The following SMIM24 variants were observed in gnomAD, a reference collection of about 807,000 sequenced individuals.
SMIM24 encodes small integral membrane protein 24.
SMIM24 carries 6 observed loss-of-function variants against 10.8 expected under a neutral mutation model. The observed-to-expected ratio is 0.55, with a 90% confidence interval of 0.30 to 1.09. The LOEUF is 1.09. SMIM24 is among the 50% of genes least tolerant of loss of function. The pLI is 0.06. For missense variants in SMIM24, 151 were observed against 153.4 expected, an observed-to-expected ratio of 0.98 and a Z score of 0.08; for synonymous variants, 71 against 62.4, an observed-to-expected ratio of 1.14 and a Z score of -0.65.
chr19:3,480,343 C>A, intron 1 of SMIM24, 54 bp downstream of exon 1: 2 of 1,410,264 alleles, frequency 1.4e-6, no homozygotes, highest in South Asian at 1.3e-5. Flanking sequence ...AGATGGTGAT[C>A]ACCTGACCAA....
At chr19:3,479,255 G>T (rs905195257) in intron 1 of SMIM24, among the ~76,000 whole-genome samples, 1 of 151,400 alleles carries the variant, frequency 6.6e-6, no homozygotes. Flanking sequence ...CAGAGGCTCA[G>T]GGGGAGGGGC....
chr19:3,475,023 A>G lies in SMIM24; in HGVS notation c.240-27T>C, dbSNP rs756304030. ...TGTAGGGATACAAAGGCCCCAAACCATAATAAGAAACAGAGACACTCCTAT... is the reference window on the plus strand; with the variant it reads ...TGTAGGGATACAAAGGCCCCAAACCGTAATAAGAAACAGAGACACTCCTAT... On this transcript the variant is annotated intron_variant, in intron 3 of 3. Coordinates refer to ENST00000215531, the MANE Select transcript of SMIM24 (RefSeq NM_001136503.2). 15 of 1,547,122 alleles carry G rather than the reference A, an allele frequency of 9.7e-6. No homozygotes were observed. The African/African-American group carries it at 1.9e-4, about 20-fold the overall frequency.
chr19:3,479,408 G>C (rs1254277557), intron 1 of SMIM24, among the ~76,000 whole-genome samples: 1 of 148,386 alleles, frequency 6.7e-6, no homozygotes, highest in African/African-American at 2.5e-5. Context: ...AGAAGAGTCT[G>C]GGGGGTTGGG....
intron 3 of SMIM24, among the ~76,000 whole-genome samples, chr19:3,478,171 T>G (rs1301464503): frequency 6.6e-6 from 1 of 152,082 alleles, no homozygotes; most frequent in Non-Finnish European, 1.5e-5. Context: ...CTAAGACAGC[T>G]CCACTGGTGA....
At chr19:3,475,453 G>C (rs1430572298) in intron 3 of SMIM24, among the ~76,000 whole-genome samples, 1 of 152,014 alleles carries the variant, frequency 6.6e-6, no homozygotes, top group Non-Finnish European at 1.5e-5. Flanking sequence ...TAGTGGGTGG[G>C]TGGATGGATG....
In SMIM24 at chr19:3,474,587, C is replaced by T; in HGVS notation, c.*256G>A. 2.1e-6 allele frequency: 1 copy of T among 484,854 alleles called. No individual in the cohort carries two copies. Among genetic ancestry groups the T allele is most frequent in the East Asian group, 3.3e-5 (1 of 30,356 alleles). 30.0% of individuals were successfully genotyped at this position (484,854 alleles called of 1,614,324 possible). ...TGGAGGATTGCGGGTGTCTCCTCAA[C>T]CAGGGATGCTCTCCGAGTATAAGAA... On this transcript the variant is annotated 3_prime_UTR_variant, in exon 4 of 4. Coordinates refer to ENST00000215531, the MANE Select transcript of SMIM24 (RefSeq NM_001136503.2).
In SMIM24 at chr19:3,480,415, G is replaced by A. The variant is rs765317526; in HGVS notation, c.49C>T (p.Pro17Ser). The change falls in exon 1 of 4, where the codon CCG (proline) becomes TCG (serine). Residue 17 changes from proline (P) to serine (S), a missense_variant. Coordinates refer to ENST00000215531, the MANE Select transcript of SMIM24 (RefSeq NM_001136503.2). The part of the protein sequence containing the change: ...LLVLEFLLLS[P>S]VEAQQATEHR... ...CACCTACCCTGCTGGGCCTCCACCGGGGAGAGGAGCAGAAACTCCAGCACC... is the reference window on the plus strand; with the variant it reads ...CACCTACCCTGCTGGGCCTCCACCGAGGAGAGGAGCAGAAACTCCAGCACC... 8.4e-6 allele frequency: 13 copies of A among 1,548,788 alleles called. No homozygotes were observed. The highest frequency in any genetic ancestry group is 3.6e-5 in the South Asian group (3 of 83,998).
At chr19:3,479,128 A>T (rs2082805995) in intron 1 of SMIM24, 199 bp from the exon 2 acceptor site, 17 of 215,798 alleles carry the variant, frequency 7.9e-5, no homozygotes, top group Non-Finnish European at 1.1e-4. Flanking sequence ...ACCTTACCAG[A>T]GTGGGAGGGA....
intron 3 of SMIM24, among the ~76,000 whole-genome samples, chr19:3,477,465 T>G (rs534003534): frequency 7.6e-6 from 1 of 132,040 alleles, no homozygotes; most frequent in African/African-American, 2.9e-5. Context: ...AGTGAACAGA[T>G]GGGTGATGAA....
At chr19:3,476,626 C>T (rs1224512547) in intron 3 of SMIM24, among the ~76,000 whole-genome samples, 2 of 152,142 alleles carry the variant, frequency 1.3e-5, no homozygotes, top group Non-Finnish European at 2.9e-5. Flanking sequence ...GGTCCTCTCC[C>T]TCAGGCACAT....
chr19:3,476,130 T>C (rs1035436041), intron 3 of SMIM24, among the ~76,000 whole-genome samples: 4 of 151,256 alleles, frequency 2.6e-5, no homozygotes, highest in African/African-American at 9.7e-5. Flanking sequence ...GATAAGCAGT[T>C]GGGTGAATTG....
rs1398452147 is a variant in SMIM24, at chr19:3,474,983, C to T, written c.253G>A (p.Glu85Lys). The change falls in exon 4 of 4, where the codon GAG (glutamate) becomes AAG (lysine). Residue 85 changes from glutamate (E) to lysine (K), a missense_variant. Coordinates refer to ENST00000215531, the MANE Select transcript of SMIM24 (RefSeq NM_001136503.2). ...LYQDQSEDKR[E>K]KKEAKEKEEK... Reference sequence around the variant, plus strand: ...TCTTTCTCCTTGGCCTCTTTCTTCTCTCTCTTGTCTTCACTGTAGGGATAC... The same window carrying T: ...TCTTTCTCCTTGGCCTCTTTCTTCTTTCTCTTGTCTTCACTGTAGGGATAC... 2.6e-6 allele frequency: 4 copies of T among 1,551,420 alleles called. No homozygotes were observed. The highest frequency in any genetic ancestry group is 3.5e-6 in the Non-Finnish European group (4 of 1,146,976).
intron 3 of SMIM24, among the ~76,000 whole-genome samples, chr19:3,475,328 A>G (rs1043867109): frequency 3.3e-5 from 5 of 152,142 alleles, no homozygotes; most frequent in African/African-American, 9.7e-5. Context: ...GGAGGTTCAC[A>G]CTGCATATCA....
Position 3,474,891 on chromosome 19 carries a change from C to T in SMIM24, c.345G>A (p.Glu115=). 6.4e-7 allele frequency: 1 copy of T among 1,551,682 alleles called. No homozygotes were observed. Among genetic ancestry groups the T allele is most frequent in the Non-Finnish European group, 8.7e-7 (1 of 1,147,006 alleles). The change falls in exon 4 of 4, where the codon GAG becomes GAA. Residue 115 remains glutamate, a synonymous_variant. Coordinates refer to ENST00000215531, the MANE Select transcript of SMIM24 (RefSeq NM_001136503.2). The part of the protein sequence containing the change: ...EGESNLGLDL[E]EKEPGDHERA... The stretch of plus-strand genomic sequence containing the variant: ...TCTCATGGTCTCCGGGCTCTTTTTC[C>T]TCCAGATCCAGTCCCAAGTTGCTCT...
At chr19:3,476,854 T>TGATG (rs111284772) in intron 3 of SMIM24, among the ~76,000 whole-genome samples, 96 of 112,002 alleles carry the variant, frequency 8.6e-4, no homozygotes, top group African/African-American at 1.1e-3. Context: ...GATGGATAGG[T>TGATG]GATGGATGGA....
intron 3 of SMIM24, 54 bp downstream of exon 3, chr19:3,478,364 TC>T: frequency 6.7e-7 from 1 of 1,482,302 alleles, no homozygotes; most frequent in East Asian, 2.5e-5. Context: ...GCACACCCAT[TC>T]CCCCACCCCG....
Position 3,478,875 on chromosome 19 carries a change from A to G in SMIM24, c.122T>C (p.Phe41Ser), listed in dbSNP as rs1348071284. The G allele has an allele frequency of 1.9e-6, 3 of 1,549,754 alleles. No individual in the cohort carries two copies. Among genetic ancestry groups the G allele is most frequent in the Non-Finnish European group, 2.6e-6 (3 of 1,146,760 alleles). ...WLVGLAAVVG[F>S]LFIVYLVLLA... is the part of the protein sequence containing the mutation. Reference sequence around the variant, plus strand: ...CAAGACCAAATAGACGATGAACAGGAAGCCGACTACCGCAGCCAGGCCCAC... The same window carrying G: ...CAAGACCAAATAGACGATGAACAGGGAGCCGACTACCGCAGCCAGGCCCAC... The change falls in exon 2 of 4, where the codon TTC becomes TCC. Residue 41 changes from phenylalanine to serine, a missense_variant. Physicochemically the swap from Phe to Ser is radical, Grantham distance 155 (BLOSUM62 -2). Transcript: ENST00000215531.
chr19:3,474,761 G>C lies in SMIM24; in HGVS notation c.*82C>G, dbSNP rs923654109. On this transcript the variant is annotated 3_prime_UTR_variant, in exon 4 of 4. Transcript: ENST00000215531. ...TGAATCCCAGATGGAGTCATTTCAC[G>C]GGCTTCAAGTCCAGGGCACTGCTTT... is the stretch of plus-strand genomic sequence containing the variant. 6.8e-7 allele frequency: 1 copy of C among 1,463,416 alleles called. No individual in the cohort carries two copies. The highest frequency in any genetic ancestry group is 2.5e-5 in the Admixed American group (1 of 39,546). The allele number at this position is 1,463,416 out of a possible 1,614,324, so 90.7% of individuals were successfully genotyped here.
At chr19:3,479,823 C>T (rs1230668185) in intron 1 of SMIM24, among the ~76,000 whole-genome samples, 1 of 92,136 alleles carries the variant, frequency 1.1e-5, no homozygotes, top group Non-Finnish European at 2.1e-5. Flanking sequence ...AGGAGGGACT[C>T]GGGGAGGGGT....
Sources: allele counts gnomAD v4.1 joint callset (sites outside exome capture counted in the v4.1 genomes callset), GRCh38; gene constraint gnomAD v4.1.1; transcripts MANE v1.5; gene names NCBI Gene and HGNC (gene_info 2026-07-23, HGNC 2026-07-21).